ARL15: variants seen among roughly 807,000 people sequenced by gnomAD.
The protein encoded by ARL15 is ARF like GTPase 15.
In ARL15, 19 loss-of-function variants were observed where a neutral mutation model predicts 25.2. The ratio of observed to expected loss-of-function variants is 0.75; its 90% CI spans 0.53 to 1.10. ARL15 has a LOEUF of 1.10. Ranked by LOEUF, ARL15 falls within the 50% of genes least tolerant of loss-of-function variation. The probability of loss-of-function intolerance (pLI) is 0.00; values close to 1 mark genes in which losing one functional copy is unlikely to be tolerated. For missense variants in ARL15, 220 were observed against 246.0 expected, an observed-to-expected ratio of 0.89 and a Z score of 0.71; for synonymous variants, 94 against 86.8, an observed-to-expected ratio of 1.08 and a Z score of -0.46.
intron 4 of ARL15, among the ~76,000 whole-genome samples, chr5:53,933,602 GC>G (rs1400419708): frequency 3.2e-5 from 4 of 123,154 alleles, no homozygotes; most frequent in African/African-American, 1.3e-4. Flanking sequence ...CCAAGATTGT[GC>G]CACTGCACTC....
At chr5:53,910,550 C>G (rs1292585356) in intron 4 of ARL15, among the ~76,000 whole-genome samples, 3 of 148,746 alleles carry the variant, frequency 2.0e-5, no homozygotes, top group Non-Finnish European at 4.4e-5. Context: ...GTGCAGCACA[C>G]CAAAATGGCA....
At chr5:54,231,709 T>C (rs557468958) in intron 1 of ARL15, among the ~76,000 whole-genome samples, 6 of 152,320 alleles carry the variant, frequency 3.9e-5, no homozygotes, top group Non-Finnish European at 1.5e-5. Context: ...ATGAGGGCTC[T>C]ATTTCTGGCT....
intron 4 of ARL15, among the ~76,000 whole-genome samples, chr5:54,071,338 G>A (rs1348590194): frequency 6.6e-6 from 1 of 152,018 alleles, no homozygotes; most frequent in East Asian, 1.9e-4. Flanking sequence ...AAAATGATGA[G>A]AAGCCTGAAA....
chr5:54,201,055 A>C (rs1488256184), intron 1 of ARL15, among the ~76,000 whole-genome samples: 1 of 152,102 alleles, frequency 6.6e-6, no homozygotes, highest in Non-Finnish European at 1.5e-5. Flanking sequence ...TAGGAAAAAA[A>C]AAAAGAGTTG....
In ARL15 at chr5:54,047,070, G is replaced by A. The variant is rs185787713; in HGVS notation, c.462+66132C>T. Reference sequence around the variant, plus strand: ...GTCAGTGAGTTGAAGAGACTTGCTCGTTAGTGAAAGAGCCAAAATTCAACC... The same window carrying A: ...GTCAGTGAGTTGAAGAGACTTGCTCATTAGTGAAAGAGCCAAAATTCAACC... On this transcript the variant is annotated intron_variant, in intron 4 of 4. Coordinates refer to ENST00000504924, the MANE Select transcript of ARL15 (RefSeq NM_019087.3). Among the ~76,000 whole-genome samples, 26 of 152,292 alleles carry A rather than the reference G, an allele frequency of 1.7e-4. No individual in the cohort carries two copies. The East Asian group carries it at 1.9e-3, about 11-fold the overall frequency.
In ARL15 at chr5:54,073,879, T is replaced by C. The variant is rs115610116; in HGVS notation, c.462+39323A>G. 7.1e-3 allele frequency among the ~76,000 whole-genome samples: 1,085 copies of C among 152,310 alleles called. 11 individuals carry two copies. Among genetic ancestry groups the C allele is most frequent in the African/African-American group, 0.025 (1,045 of 41,564 alleles). On this transcript the variant is annotated intron_variant, in intron 4 of 4. Transcript: ENST00000504924. ...AGCACAAAACTCCTCTTGACTATTA[T>C]GCTGCTTCCTAGTTTTTCTAGCATT...
chr5:54,069,511 C>T (rs1751349772), intron 4 of ARL15, among the ~76,000 whole-genome samples: 1 of 115,544 alleles, frequency 8.7e-6, no homozygotes, highest in Admixed American at 1.3e-4. Flanking sequence ...GTGGAGGTTG[C>T]AGTGAGTCCA....
At chr5:54,052,925 T>C (rs1245774547) in intron 4 of ARL15, among the ~76,000 whole-genome samples, 4 of 152,026 alleles carry the variant, frequency 2.6e-5, no homozygotes, top group African/African-American at 9.7e-5. Context: ...AAGATGAGTG[T>C]GGAGCCTCTT....
intron 1 of ARL15, among the ~76,000 whole-genome samples, chr5:54,189,875 AAGTT>A (rs1479983416): frequency 1.3e-5 from 2 of 152,180 alleles, no homozygotes; most frequent in African/African-American, 4.8e-5. Flanking sequence ...ATAGTGTAAA[AAGTT>A]AGTCCATAGA....
intron 4 of ARL15, among the ~76,000 whole-genome samples, chr5:54,061,816 T>C (rs114411442): frequency 0.014 from 2,169 of 151,992 alleles, 48 homozygotes; most frequent in African/African-American, 0.049. Flanking sequence ...AGTGGAGCTA[T>C]GAGAAAAGGG....
intron 4 of ARL15, among the ~76,000 whole-genome samples, chr5:54,105,510 T>C (rs1752562087): frequency 6.6e-6 from 1 of 152,220 alleles, no homozygotes; most frequent in Non-Finnish European, 1.5e-5. Context: ...GTATTAAATA[T>C]AAGAATTTTT....
intron 1 of ARL15, among the ~76,000 whole-genome samples, chr5:54,253,118 A>G (rs1354259502): frequency 1.3e-5 from 2 of 152,172 alleles, no homozygotes; most frequent in Non-Finnish European, 2.9e-5. Flanking sequence ...TCTTACAAAA[A>G]TAACATTGAT....
At chr5:53,925,232 T>A (rs746199365) in intron 4 of ARL15, among the ~76,000 whole-genome samples, 20 of 151,876 alleles carry the variant, frequency 1.3e-4, no homozygotes, top group Admixed American at 5.2e-4. Flanking sequence ...TGTCTCACTC[T>A]GTCACCGACG....
At chr5:54,171,417 A>T (rs973350814) in intron 2 of ARL15, among the ~76,000 whole-genome samples, 1 of 152,142 alleles carries the variant, frequency 6.6e-6, no homozygotes, top group Non-Finnish European at 1.5e-5. Flanking sequence ...CTATTCAGGG[A>T]GTGTGTGGCC....
intron 4 of ARL15, among the ~76,000 whole-genome samples, chr5:53,994,024 G>A (rs1007167804): frequency 2.4e-4 from 36 of 152,130 alleles, no homozygotes; most frequent in African/African-American, 8.2e-4. Flanking sequence ...CCAATCCAGT[G>A]GGGGTAAATG....
chr5:53,957,102 G>A (rs926543706), intron 4 of ARL15, among the ~76,000 whole-genome samples: 2 of 151,906 alleles, frequency 1.3e-5, no homozygotes, highest in Non-Finnish European at 2.9e-5. Flanking sequence ...CAAGAAGCTC[G>A]GTGAACTCCA....
intron 4 of ARL15, among the ~76,000 whole-genome samples, chr5:54,076,997 T>A (rs1198244113): frequency 6.6e-6 from 1 of 152,216 alleles, no homozygotes; most frequent in Non-Finnish European, 1.5e-5. Context: ...TATGAGAACA[T>A]CTTCTATGCT....
At chr5:54,235,773 T>C (rs904075551) in intron 1 of ARL15, among the ~76,000 whole-genome samples, 2 of 152,174 alleles carry the variant, frequency 1.3e-5, no homozygotes, top group Non-Finnish European at 2.9e-5. Flanking sequence ...CCCCGGGCTA[T>C]AGTAAAGTAT....
At chr5:54,207,459 T>C (rs1755902276) in intron 1 of ARL15, among the ~76,000 whole-genome samples, 2 of 152,188 alleles carry the variant, frequency 1.3e-5, no homozygotes, top group South Asian at 2.1e-4. Flanking sequence ...CCAAACCGCC[T>C]ATTGAGAAGA....
Sources: gnomAD v4.1 joint callset for allele counts (sites outside exome capture counted in the v4.1 genomes callset) on GRCh38, gnomAD v4.1.1 for gene constraint, MANE v1.5 for transcripts, NCBI Gene and HGNC (gene_info 2026-07-23, HGNC 2026-07-21) for gene names.